The following GAB2 variants were observed in gnomAD, a reference collection of about 807,000 sequenced individuals.
The protein encoded by GAB2 is GRB2-associated-binding protein 2.
A neutral mutation model predicts 65.5 loss-of-function variants in GAB2; 26 were observed. The observed-to-expected ratio is 0.40, with a 90% confidence interval of 0.29 to 0.55. The LOEUF (loss-of-function observed/expected upper bound fraction) is 0.55, where lower values mean the gene tolerates loss of function less well. GAB2 is among the 20% of genes least tolerant of loss of function. The probability of loss-of-function intolerance (pLI) is 0.53; values close to 1 mark genes in which losing one functional copy is unlikely to be tolerated. For missense variants in GAB2, 884 were observed against 875.8 expected, an observed-to-expected ratio of 1.01 and a Z score of -0.12; for synonymous variants, 321 against 329.6, an observed-to-expected ratio of 0.97 and a Z score of 0.28.
At chr11:78,317,642 A>T (rs1169736123) in intron 1 of GAB2, among the ~76,000 whole-genome samples, 1 of 152,028 alleles carries the variant, frequency 6.6e-6, no homozygotes, top group African/African-American at 2.4e-5. Flanking sequence ...AGAAGAAATA[A>T]TTTTTTTAAA....
In GAB2 at chr11:78,280,634, T is replaced by A. The variant is rs1251641637; in HGVS notation, c.343A>T (p.Ile115Phe). The A allele has an allele frequency of 2.5e-6, 4 of 1,614,042 alleles. No individual in the cohort carries two copies. Among genetic ancestry groups the A allele is most frequent in the South Asian group, 1.1e-5 (1 of 91,084 alleles). Residue 115 changes from isoleucine (I) to phenylalanine (F), a missense_variant, in exon 2 of 10, where the codon ATC becomes TTC. Ile to Phe is a conservative substitution (Grantham distance 21, BLOSUM62 0). Transcript: ENST00000361507. The part of the protein sequence containing the change: ...MNKWVQSICQ[I>F]CGFNQAEEST... Reference sequence around the variant, plus strand: ...TCCTCAGCCTGATTGAAGCCACAGATCTGGCAGATGCTCTGGACCCACTTA... The same window carrying A: ...TCCTCAGCCTGATTGAAGCCACAGAACTGGCAGATGCTCTGGACCCACTTA...
chr11:78,285,226 A>G (rs768360041), intron 1 of GAB2, among the ~76,000 whole-genome samples: 6 of 152,176 alleles, frequency 3.9e-5, no homozygotes, highest in Non-Finnish European at 8.8e-5. Context: ...CTGTGGAAAG[A>G]GCTGTCCCCA....
intron 2 of GAB2, among the ~76,000 whole-genome samples, chr11:78,256,959 C>T (rs1406274129): frequency 1.3e-5 from 2 of 152,086 alleles, no homozygotes; most frequent in African/African-American, 4.8e-5. Context: ...CAAGTCTAGA[C>T]TAAAGATAAT....
intron 1 of GAB2, among the ~76,000 whole-genome samples, chr11:78,325,359 G>T (rs1220857108): frequency 6.6e-6 from 1 of 152,130 alleles, no homozygotes; most frequent in Non-Finnish European, 1.5e-5. Flanking sequence ...AAAAACAGAG[G>T]CCCAGAGAGG....
intron 2 of GAB2, among the ~76,000 whole-genome samples, chr11:78,264,884 G>A (rs1359793532): frequency 1.3e-5 from 2 of 152,182 alleles, no homozygotes; most frequent in Non-Finnish European, 2.9e-5. Context: ...GGAGATAAAA[G>A]TAGCATGGTA....
chr11:78,253,037 G>A (rs1219548330), intron 2 of GAB2, among the ~76,000 whole-genome samples: 1 of 126,334 alleles, frequency 7.9e-6, no homozygotes, highest in Non-Finnish European at 1.6e-5. Context: ...GTGAGACAGA[G>A]TCTCGCTCTG....
At chr11:78,222,231 T>C (rs767024206) in intron 6 of GAB2, 36 bp from the exon 7 acceptor site, 17 of 1,329,836 alleles carry the variant, frequency 1.3e-5, no homozygotes, top group Admixed American at 5.0e-5. Flanking sequence ...AATCAGCCAG[T>C]AATGATAATG....
chr11:78,231,595 G>A (rs1241365741), intron 3 of GAB2, among the ~76,000 whole-genome samples: 4 of 152,116 alleles, frequency 2.6e-5, no homozygotes, highest in Non-Finnish European at 5.9e-5. Flanking sequence ...TGGTCTGCCC[G>A]CCTCAGCCTC....
chr11:78,413,422 T>TA (rs976223771), intron 1 of GAB2, among the ~76,000 whole-genome samples: 1 of 152,090 alleles, frequency 6.6e-6, no homozygotes, highest in East Asian at 1.9e-4. Flanking sequence ...GAAGGTGTTT[T>TA]AAAAAAGAGT....
At chr11:78,240,338 G>C (rs148157731) in intron 3 of GAB2, among the ~76,000 whole-genome samples, 8 of 152,210 alleles carry the variant, frequency 5.3e-5, no homozygotes, top group Non-Finnish European at 8.8e-5. Flanking sequence ...GGGTGCCCTA[G>C]CTGAGCTGAG....
chr11:78,346,682 T>TATATATATATATAC (rs1856186274), intron 1 of GAB2, among the ~76,000 whole-genome samples: 2 of 17,608 alleles, frequency 1.1e-4, no homozygotes, highest in African/African-American at 2.8e-4. Context: ...TCCATATATA[T>TATATATATATATAC]ATATATATAT....
chr11:78,381,346 T>C (rs1856694776), intron 1 of GAB2, among the ~76,000 whole-genome samples: 1 of 152,186 alleles, frequency 6.6e-6, no homozygotes, highest in African/African-American at 2.4e-5. Flanking sequence ...TATAAAGCAC[T>C]TAACACAGAC....
At chr11:78,360,493 AATGT>A (rs1372970118) in intron 1 of GAB2, among the ~76,000 whole-genome samples, 9 of 152,188 alleles carry the variant, frequency 5.9e-5, no homozygotes, top group Non-Finnish European at 1.0e-4. Flanking sequence ...AAAAAATTAA[AATGT>A]ATGTGCTGAT....
chr11:78,413,509 G>C (rs1467147014), intron 1 of GAB2, among the ~76,000 whole-genome samples: 2 of 152,142 alleles, frequency 1.3e-5, no homozygotes, highest in African/African-American at 4.8e-5. Flanking sequence ...TAGTGACCTG[G>C]GTATCGCTGG....
At chr11:78,302,374 C>T (rs1867048499) in intron 1 of GAB2, among the ~76,000 whole-genome samples, 1 of 152,042 alleles carries the variant, frequency 6.6e-6, no homozygotes, top group African/African-American at 2.4e-5. Context: ...GAGCTAAGGA[C>T]ACTAACAGAC....
intron 1 of GAB2, among the ~76,000 whole-genome samples, chr11:78,398,147 C>G (rs1856925572): frequency 6.6e-6 from 1 of 152,184 alleles, no homozygotes; most frequent in Non-Finnish European, 1.5e-5. Context: ...TAGCACTTTC[C>G]CCTGCTCTTG....
intron 2 of GAB2, among the ~76,000 whole-genome samples, chr11:78,268,936 C>G (rs1001079779): frequency 5.3e-5 from 8 of 152,080 alleles, no homozygotes; most frequent in African/African-American, 1.9e-4. Flanking sequence ...ACGGCCTGTT[C>G]TGTGGATGAC....
intron 3 of GAB2, among the ~76,000 whole-genome samples, chr11:78,235,945 T>A (rs1314745921): frequency 6.6e-6 from 1 of 152,234 alleles, no homozygotes; most frequent in Non-Finnish European, 1.5e-5. Flanking sequence ...ACCAATTAAC[T>A]GTATTAGTCC....
intron 1 of GAB2, among the ~76,000 whole-genome samples, chr11:78,322,097 G>C (rs1855735363): frequency 6.6e-6 from 1 of 151,810 alleles, no homozygotes; most frequent in Admixed American, 6.6e-5. Flanking sequence ...CTGAGGTCAA[G>C]AGTTTGAGAC....
Sources: allele counts gnomAD v4.1 joint callset (sites outside exome capture counted in the v4.1 genomes callset), GRCh38; gene constraint gnomAD v4.1.1; transcripts MANE v1.5; gene names NCBI Gene and HGNC (gene_info 2026-07-23, HGNC 2026-07-21).